MORC3: variants seen among roughly 807,000 people sequenced by gnomAD.
MORC3 encodes the protein MORC family CW-type zinc finger protein 3.
MORC3 carries 31 observed loss-of-function variants against 109.1 expected under a neutral mutation model. The ratio of observed to expected loss-of-function variants is 0.28; its 90% CI spans 0.21 to 0.38. The LOEUF is 0.38. MORC3 is among the 10% of genes least tolerant of loss of function. MORC3 has a pLI of 1.00. For missense variants in MORC3, 867 were observed against 1,135.8 expected, an observed-to-expected ratio of 0.76 and a Z score of 3.40; for synonymous variants, 395 against 380.7, an observed-to-expected ratio of 1.04 and a Z score of -0.44.
Position 36,372,492 on chromosome 21 carries a change from G to A in MORC3, c.2627G>A (p.Ser876Asn). Residue 876 changes from serine (S) to asparagine (N), a missense_variant, in exon 16 of 17, where the codon AGT (serine) becomes AAT (asparagine). Transcript: ENST00000400485. Reference protein sequence around the residue: ...QQTATDVSTSSNIEESVNHMD... With the variant: ...QQTATDVSTSNNIEESVNHMD... Reference sequence around the variant, plus strand: ...ACGGCAACAGATGTTTCAACATCAAGTAACATTGAGGAGTCTGTAAATCAT... The same window carrying A: ...ACGGCAACAGATGTTTCAACATCAAATAACATTGAGGAGTCTGTAAATCAT... 6 of 1,603,012 alleles carry A rather than the reference G, an allele frequency of 3.7e-6. No homozygotes were observed. Among genetic ancestry groups the A allele is most frequent in the South Asian group, 1.1e-5 (1 of 88,354 alleles).
At position 36,369,412 on chromosome 21, in the gene MORC3, C is replaced by G; in HGVS notation, c.2044C>G (p.Gln682Glu). 1 of 1,614,082 alleles carries G rather than the reference C, an allele frequency of 6.2e-7. No homozygotes were observed. The highest frequency in any genetic ancestry group is 8.5e-7 in the Non-Finnish European group (1 of 1,180,010). Residue 682 changes from glutamine to glutamate, a missense_variant, in exon 15 of 17, where the codon CAG becomes GAG. By Grantham distance (29) the Gln-to-Glu change is conservative. This residue lies in a region of MORC3 where 486 missense variants were observed against 502.1 expected (regional missense o/e 0.97). Coordinates refer to ENST00000400485, the MANE Select transcript of MORC3 (RefSeq NM_015358.3). The part of the protein sequence containing the change: ...VEAEAKIHET[Q>E]ETTDKSADDA... The stretch of plus-strand genomic sequence containing the variant: ...AGCTGAAGCAAAGATACATGAAACC[C>G]AGGAAACCACCGATAAATCTGCAGA...
chr21:36,371,820 T>TTTTG lies in MORC3; in HGVS notation c.2509-551_2509-550insGTTT, dbSNP rs1569111410. ...TTTCTGTTTTGTTTTGTTTTGTTTTTTTTTTTTTTTGAGATGGAACTTCGC... is the reference window on the plus strand; with the variant it reads ...TTTCTGTTTTGTTTTGTTTTGTTTTTTTTGTTTTTTTTTTGAGATGGAACTTCGC... On this transcript the variant is annotated intron_variant, in intron 15 of 16. Transcript: ENST00000400485. 1.1e-4 allele frequency among the ~76,000 whole-genome samples: 16 copies of TTTTG among 147,536 alleles called. No individual in the cohort carries two copies. The South Asian group carries it at 1.4e-3, about 13-fold the overall frequency.
At chr21:36,352,971 TAAAA>T (rs777452359) in intron 9 of MORC3, among the ~76,000 whole-genome samples, 1 of 122,232 alleles carries the variant, frequency 8.2e-6, no homozygotes, top group African/African-American at 3.1e-5. Flanking sequence ...ACCTTTTCTC[TAAAA>T]AAAAAAAAAA....
chr21:36,365,564 C>T (rs1198582639), intron 14 of MORC3, among the ~76,000 whole-genome samples: 1 of 152,084 alleles, frequency 6.6e-6, no homozygotes, highest in African/African-American at 2.4e-5. Flanking sequence ...AGGGCATATT[C>T]TAGAATAGTT....
At position 36,372,489 on chromosome 21, in the gene MORC3, C is replaced by T. The variant is rs865822886; in HGVS notation, c.2624C>T (p.Ser875Leu). ...CAGACGGCAACAGATGTTTCAACAT[C>T]AAGTAACATTGAGGAGTCTGTAAAT... ...NQQTATDVST[S>L]SNIEESVNHM... The change falls in exon 16 of 17, where the codon TCA (serine) becomes TTA (leucine). Residue 875 changes from serine to leucine, a missense_variant. Around this residue, in one of 7 missense-constraint regions of MORC3, gnomAD observed 486 missense variants for 502.1 expected, o/e 0.97. Coordinates refer to ENST00000400485, the MANE Select transcript of MORC3 (RefSeq NM_015358.3). The T allele has an allele frequency of 1.2e-6, 2 of 1,603,730 alleles. No individual in the cohort carries two copies. Among genetic ancestry groups the T allele is most frequent in the African/African-American group, 2.7e-5 (2 of 74,430 alleles).
intron 9 of MORC3, among the ~76,000 whole-genome samples, chr21:36,356,369 A>G (rs1473615841): frequency 2.0e-5 from 3 of 152,160 alleles, no homozygotes; most frequent in Non-Finnish European, 2.9e-5. Context: ...TTTCTGGGCA[A>G]TGCAGTTCTT....
chr21:36,376,201 G>T lies in MORC3; in HGVS notation c.*905G>T, dbSNP rs1047835689. 14 of 152,458 alleles carry T rather than the reference G, an allele frequency of 9.2e-5. No individual in the cohort carries two copies. The highest frequency in any genetic ancestry group is 2.7e-4 in the African/African-American group (11 of 41,396). The allele number at this position is 152,458 out of a possible 1,614,324, so 9.4% of individuals were successfully genotyped here. A position where few individuals can be genotyped will look rare whatever the true frequency, so the allele number is the denominator to read the frequency against. On this transcript the variant is annotated 3_prime_UTR_variant, in exon 17 of 17. Transcript: ENST00000400485. ...AAGTGTTTTATATCCTAGAGTCAAG[G>T]AACAAATTTCCTTAGGATTATAGTA...
chr21:36,330,219 CAATT>C (rs2085300132), intron 1 of MORC3, among the ~76,000 whole-genome samples: 2 of 151,870 alleles, frequency 1.3e-5, no homozygotes, highest in Non-Finnish European at 2.9e-5. Flanking sequence ...AGGAGATAAT[CAATT>C]AAGAGTCAGG....
intron 2 of MORC3, among the ~76,000 whole-genome samples, chr21:36,335,771 T>G (rs907092433): frequency 6.6e-6 from 1 of 152,182 alleles, no homozygotes; most frequent in Non-Finnish European, 1.5e-5. Context: ...GGATCACAAT[T>G]TAAAGAAATA....
chr21:36,343,413 GT>G (rs1210059949), intron 6 of MORC3, among the ~76,000 whole-genome samples: 23 of 146,416 alleles, frequency 1.6e-4, no homozygotes, highest in Admixed American at 1.2e-3. Flanking sequence ...TTTTTTAGTT[GT>G]TTTGATAAGA....
chr21:36,342,057 G>A lies in MORC3; in HGVS notation c.756+511G>A, dbSNP rs1372653887. Among the ~76,000 whole-genome samples the A allele has an allele frequency of 4.6e-5, 7 of 152,058 alleles. No homozygotes were observed. The South Asian group carries it at 8.3e-4, about 18-fold the overall frequency. ...CCTGGCCAAGATGGTCTTGAACTCC[G>A]TCTCTACTAAAAATGCAAAAATTAG... On this transcript the variant is annotated intron_variant, in intron 6 of 16. Coordinates refer to ENST00000400485, the MANE Select transcript of MORC3 (RefSeq NM_015358.3).
intron 7 of MORC3, 31 bp downstream of exon 7, chr21:36,344,738 T>G (rs750029882): frequency 1.9e-6 from 3 of 1,610,694 alleles, no homozygotes; most frequent in Non-Finnish European, 2.5e-6. Flanking sequence ...TATAGAGATA[T>G]GTTAGTCAGG....
At chr21:36,346,790 C>A (rs1223476203) in intron 8 of MORC3, among the ~76,000 whole-genome samples, 1 of 151,858 alleles carries the variant, frequency 6.6e-6, no homozygotes, top group East Asian at 1.9e-4. Context: ...GTCTAGGCAA[C>A]AGGGTGAGGT....
intron 1 of MORC3, among the ~76,000 whole-genome samples, chr21:36,328,566 CCT>C (rs1465571691): frequency 6.6e-6 from 1 of 152,122 alleles, no homozygotes; most frequent in Non-Finnish European, 1.5e-5. Context: ...GTCTTGAACT[CCT>C]AACCTCAGTT....
At chr21:36,372,701 C>T (rs995461350) in intron 16 of MORC3, among the ~76,000 whole-genome samples, 170 bp downstream of exon 16, 2 of 152,180 alleles carry the variant, frequency 1.3e-5, no homozygotes, top group South Asian at 2.1e-4. Context: ...CTTCATTATC[C>T]TTCCTTTCCA....
At chr21:36,339,180 C>T (rs905945159) in intron 5 of MORC3, 14 of 264,976 alleles carry the variant, frequency 5.3e-5, no homozygotes, top group Admixed American at 1.0e-4. Flanking sequence ...AATGCGATGG[C>T]GCAATCTCAG....
intron 1 of MORC3, 152 bp from the exon 2 acceptor site, chr21:36,333,494 T>A (rs1347565958): frequency 1.6e-6 from 1 of 634,370 alleles, no homozygotes; most frequent in Non-Finnish European, 2.8e-6. Context: ...AATCGTATAT[T>A]CTAGATTGTA....
Position 36,369,503 on chromosome 21 carries a change from A to G in MORC3, c.2135A>G (p.Asn712Ser). Residue 712 changes from asparagine to serine, a missense_variant, in exon 15 of 17, where the codon AAT becomes AGT. By Grantham distance (46) the Asn-to-Ser change is conservative (BLOSUM62 1). Around this residue, in one of 7 missense-constraint regions of MORC3, gnomAD observed 486 missense variants for 502.1 expected, o/e 0.97. Transcript: ENST00000400485. ...CTCCTTGTCACTGAGGAAAAAGAGA[A>G]TTATAAAAGACAGTGTCATATGTTT... Reference protein sequence around the residue: ...QLLLVTEEKENYKRQCHMFTD... With the variant: ...QLLLVTEEKESYKRQCHMFTD... 1 of 1,614,232 alleles carries G rather than the reference A, an allele frequency of 6.2e-7. No individual in the cohort carries two copies. Among genetic ancestry groups the G allele is most frequent in the Non-Finnish European group, 8.5e-7 (1 of 1,180,036 alleles).
At chr21:36,358,493 C>T (rs918592009) in intron 10 of MORC3, among the ~76,000 whole-genome samples, 1 of 152,092 alleles carries the variant, frequency 6.6e-6, no homozygotes, top group Non-Finnish European at 1.5e-5. Context: ...CAGTGGGTCA[C>T]GCCTGTAATC....
Sources: allele counts gnomAD v4.1 joint callset (sites outside exome capture counted in the v4.1 genomes callset), GRCh38; gene constraint gnomAD v4.1.1; regional missense constraint gnomAD v4.1.1; transcripts MANE v1.5; gene names NCBI Gene and HGNC (gene_info 2026-07-23, HGNC 2026-07-21).